Variants in DNAI7 observed in about 807,000 individuals in gnomAD.
The protein encoded by DNAI7 is cancer susceptibility 1.
In DNAI7, 78 loss-of-function variants were observed where a neutral mutation model predicts 86.6. That is an observed-to-expected ratio of 0.90 (90% CI 0.75 to 1.09). The LOEUF is 1.09. DNAI7 is among the 50% of genes least tolerant of loss of function. The probability of loss-of-function intolerance (pLI) is 0.00; values close to 1 mark genes in which losing one functional copy is unlikely to be tolerated. For missense variants in DNAI7, 753 were observed against 810.2 expected (o/e 0.93, Z 0.86); for synonymous variants, 274 against 273.0 (o/e 1.00, Z -0.04).
intron 1 of DNAI7, among the ~76,000 whole-genome samples, chr12:25,192,126 G>C (rs1483079746): frequency 6.6e-6 from 1 of 152,200 alleles, no homozygotes; most frequent in East Asian, 1.9e-4. Flanking sequence ...AGATAGAAAA[G>C]TAGAGACTTT....
At chr12:25,191,285 G>A (rs997183357) in intron 1 of DNAI7, among the ~76,000 whole-genome samples, 1 of 152,098 alleles carries the variant, frequency 6.6e-6, no homozygotes, top group African/African-American at 2.4e-5. Flanking sequence ...ACATGCGTGT[G>A]GTCCCAGCTA....
intron 9 of DNAI7, among the ~76,000 whole-genome samples, chr12:25,140,253 C>T (rs1944021713): frequency 6.6e-6 from 1 of 151,970 alleles, no homozygotes; most frequent in Admixed American, 6.6e-5. Context: ...AGAAGTCAAA[C>T]TCTCATTGTT....
intron 13 of DNAI7, among the ~76,000 whole-genome samples, chr12:25,112,543 A>C (rs893905210): frequency 6.6e-6 from 1 of 150,942 alleles, no homozygotes; most frequent in Non-Finnish European, 1.5e-5. Context: ...AGTAGCTGGG[A>C]CTACAGGCGC....
At chr12:25,163,554 C>T (rs1027245373) in intron 2 of DNAI7, among the ~76,000 whole-genome samples, 1 of 152,146 alleles carries the variant, frequency 6.6e-6, no homozygotes, top group African/African-American at 2.4e-5. Context: ...CCCACCTGCA[C>T]CCAGGTGATT....
intron 9 of DNAI7, among the ~76,000 whole-genome samples, chr12:25,126,674 G>A (rs1254951387): frequency 6.6e-6 from 1 of 152,196 alleles, no homozygotes; most frequent in Non-Finnish European, 1.5e-5. Flanking sequence ...TGGGGGAAAA[G>A]TAATGAATTT....
chr12:25,135,431 C>T (rs1204294065), intron 9 of DNAI7, among the ~76,000 whole-genome samples: 2 of 152,246 alleles, frequency 1.3e-5, no homozygotes, highest in Non-Finnish European at 2.9e-5. Context: ...TCTAGCTGAA[C>T]TTTGCAATAA....
chr12:25,163,696 T>C (rs73077322), intron 2 of DNAI7, among the ~76,000 whole-genome samples: 17,529 of 152,190 alleles, frequency 0.12, 1,362 homozygotes, highest in Admixed American at 0.16. Flanking sequence ...TTTTGTTCCA[T>C]GAGAAAGATT....
chr12:25,168,990 A>G (rs1947817477), intron 2 of DNAI7, among the ~76,000 whole-genome samples: 1 of 152,128 alleles, frequency 6.6e-6, no homozygotes. Flanking sequence ...TCCCGCTTGA[A>G]GCAGCCCTGA....
chr12:25,173,850 A>ACATCAT (rs1948420326), intron 2 of DNAI7, among the ~76,000 whole-genome samples: 1 of 140,130 alleles, frequency 7.1e-6, no homozygotes, highest in Non-Finnish European at 1.5e-5. Context: ...ATATATATAC[A>ACATCAT]TCATATGTAT....
At chr12:25,173,679 T>C (rs569076834) in intron 2 of DNAI7, among the ~76,000 whole-genome samples, 5 of 151,926 alleles carry the variant, frequency 3.3e-5, no homozygotes, top group African/African-American at 1.2e-4. Context: ...CAATTCACAA[T>C]TGCAAAATCG....
At chr12:25,130,173 C>T (rs1392251949) in intron 9 of DNAI7, among the ~76,000 whole-genome samples, 2 of 152,120 alleles carry the variant, frequency 1.3e-5, no homozygotes, top group Admixed American at 1.3e-4. Context: ...AAAACAAGAG[C>T]GTGTTGAATC....
intron 9 of DNAI7, among the ~76,000 whole-genome samples, chr12:25,124,017 T>C (rs976613965): frequency 2.9e-5 from 4 of 137,286 alleles, no homozygotes; most frequent in African/African-American, 1.1e-4. Flanking sequence ...AAATGCAGTG[T>C]TGCTAGTATA....
rs148393509 is a variant in DNAI7 at position 25,150,071 on chromosome 12, A to G, written c.439-297T>C. ...GACCAGTTCTTTACAGAAGAGTGCCATCTGTCTAATGTAGATGCAATGATC... is the reference window on the plus strand; with the variant it reads ...GACCAGTTCTTTACAGAAGAGTGCCGTCTGTCTAATGTAGATGCAATGATC... On this transcript the variant is annotated intron_variant, in intron 6 of 15. Transcript: ENST00000395987. Among the ~76,000 whole-genome samples, 9 of 152,318 alleles carry G rather than the reference A, an allele frequency of 5.9e-5. No individual in the cohort carries two copies. The East Asian group carries it at 1.7e-3, about 29-fold the overall frequency.
chr12:25,185,759 C>T, intron 2 of DNAI7: 3 of 984,374 alleles, frequency 3.0e-6, no homozygotes, highest in Non-Finnish European at 3.6e-6. Context: ...TCTTTGGCCA[C>T]TGAAGCCTGT....
At chr12:25,131,691 A>C (rs975341309) in intron 9 of DNAI7, among the ~76,000 whole-genome samples, 2 of 152,224 alleles carry the variant, frequency 1.3e-5, no homozygotes, top group Non-Finnish European at 2.9e-5. Flanking sequence ...AAAAGACAGG[A>C]TAACTTTGAG....
At chr12:25,187,506 C>A (rs879403476) in intron 2 of DNAI7, among the ~76,000 whole-genome samples, 1 of 152,164 alleles carries the variant, frequency 6.6e-6, no homozygotes, top group Admixed American at 6.5e-5. Context: ...TTCATGAAGG[C>A]AGGAACTTGG....
Position 25,170,020 on chromosome 12 carries a change from A to C in DNAI7, c.22-8823T>G, listed in dbSNP as rs1947959272. On this transcript the variant is annotated intron_variant, in intron 2 of 15. Transcript: ENST00000395987. Reference sequence around the variant, plus strand: ...ATACCAAAAGCGAGCAGGGGTAGCTATTCTCACATCAGACAAAATAAACTT... The same window carrying C: ...ATACCAAAAGCGAGCAGGGGTAGCTCTTCTCACATCAGACAAAATAAACTT... Among the ~76,000 whole-genome samples, 3 of 152,290 alleles carry C rather than the reference A, an allele frequency of 2.0e-5. No individual in the cohort carries two copies. The South Asian group carries it at 6.2e-4, about 32-fold the overall frequency.
At position 25,111,888 on chromosome 12, in the gene DNAI7, A is replaced by G; in HGVS notation, c.1663T>C (p.Ser555Pro). The change falls in exon 14 of 16, where the codon TCT (serine) becomes CCT (proline). Residue 555 changes from serine (S) to proline (P), a missense_variant. Coordinates refer to ENST00000395987, the MANE Select transcript of DNAI7 (RefSeq NM_018272.5). Reference protein sequence around the residue: ...SIKLKDKKHISILEGTWMTPI... With the variant: ...SIKLKDKKHIPILEGTWMTPI... The stretch of plus-strand genomic sequence containing the variant: ...GTCATCCAGGTTCCTTCCAAAATAG[A>G]GATGTGTTTCTTGTCTTTTAGTTTG... 1 of 1,606,386 alleles carries G rather than the reference A, an allele frequency of 6.2e-7. No individual in the cohort carries two copies. Among genetic ancestry groups the G allele is most frequent in the South Asian group, 1.1e-5 (1 of 89,876 alleles).
chr12:25,136,702 T>C (rs1355650121), intron 9 of DNAI7, among the ~76,000 whole-genome samples: 1 of 151,896 alleles, frequency 6.6e-6, no homozygotes, highest in Admixed American at 6.6e-5. Flanking sequence ...GAGAAATAGA[T>C]AGCATAAATA....
Sources: allele counts gnomAD v4.1 joint callset (sites outside exome capture counted in the v4.1 genomes callset), GRCh38; gene constraint gnomAD v4.1.1; transcripts MANE v1.5; gene names NCBI Gene and HGNC (gene_info 2026-07-23, HGNC 2026-07-21).